MSI2: variants seen among roughly 807,000 people sequenced by gnomAD.
The protein encoded by MSI2 is RNA-binding protein Musashi homolog 2.
A neutral mutation model predicts 45.6 loss-of-function variants in MSI2; 17 were observed. The ratio of observed to expected loss-of-function variants is 0.37; its 90% CI spans 0.26 to 0.56. MSI2 has a LOEUF of 0.56. Among genes scored for constraint, MSI2 ranks in the 20% least tolerant of loss-of-function variants. The pLI is 0.77. For missense variants in MSI2, 293 were observed against 444.2 expected (o/e 0.66, Z 3.06); for synonymous variants, 156 against 158.2 (o/e 0.99, Z 0.11).
At chr17:57,399,840 G>A (rs1427580281) in intron 5 of MSI2, among the ~76,000 whole-genome samples, 5 of 152,228 alleles carry the variant, frequency 3.3e-5, no homozygotes, top group African/African-American at 1.2e-4. Context: ...CCCAGAGTTA[G>A]ACCCAGGAGC....
Position 57,601,232 on chromosome 17 carries a change from A to C in MSI2, c.537+4282A>C, listed in dbSNP as rs1598437879. On this transcript the variant is annotated intron_variant, in intron 8 of 13. Transcript: ENST00000284073. ...TGGGTTTAACAGGTCCCAGATCTCC[A>C]TGCCTCTTCCTCCACTGCCACAGAC... 2.0e-5 allele frequency: 3 copies of C among 152,198 alleles called. No individual in the cohort carries two copies. In the East Asian group the frequency reaches 5.8e-4, roughly 29 times the overall value. The allele number at this position is 152,198 out of a possible 1,614,324, so 9.4% of individuals were successfully genotyped here.
chr17:57,344,507 C>T (rs1353641845), intron 5 of MSI2, among the ~76,000 whole-genome samples: 2 of 152,188 alleles, frequency 1.3e-5, no homozygotes, highest in Admixed American at 1.3e-4. Context: ...ACTCACTTCT[C>T]CAAGGAGCTG....
At chr17:57,656,247 A>G (rs1911580703) in intron 11 of MSI2, among the ~76,000 whole-genome samples, 1 of 152,142 alleles carries the variant, frequency 6.6e-6, no homozygotes, top group African/African-American at 2.4e-5. Context: ...GAACTGGGTC[A>G]CCACCCTCAG....
At chr17:57,403,647 G>C (rs527836062) in intron 6 of MSI2, among the ~76,000 whole-genome samples, 3 of 152,084 alleles carry the variant, frequency 2.0e-5, no homozygotes, top group Non-Finnish European at 4.4e-5. Context: ...TCATACATAG[G>C]TTCTGTGCAT....
rs558930199 is a variant in MSI2, at chr17:57,395,865, C to A, written c.313-5514C>A. The stretch of plus-strand genomic sequence containing the variant: ...TGTCTGAGCCTGGGAAAGCTGTCCT[C>A]CTAACTACCTGCCTTGCCTTTAACT... On this transcript the variant is annotated intron_variant, in intron 5 of 13. Transcript: ENST00000284073. 6.6e-5 allele frequency among the ~76,000 whole-genome samples: 10 copies of A among 152,326 alleles called. No homozygotes were observed. In the South Asian group the frequency reaches 2.1e-3, roughly 32 times the overall value.
chr17:57,636,441 C>T (rs956345762), intron 10 of MSI2, among the ~76,000 whole-genome samples: 1 of 152,188 alleles, frequency 6.6e-6, no homozygotes, highest in African/African-American at 2.4e-5. Flanking sequence ...AGAGCCCTTC[C>T]ATCCACCCCC....
intron 5 of MSI2, among the ~76,000 whole-genome samples, chr17:57,314,480 G>GT (rs1912672266): frequency 6.6e-6 from 1 of 151,840 alleles, no homozygotes; most frequent in Non-Finnish European, 1.5e-5. Context: ...ATTGTGGGGT[G>GT]TAAGAGTGGG....
chr17:57,670,736 C>T (rs1052634887), intron 11 of MSI2, among the ~76,000 whole-genome samples: 1 of 152,182 alleles, frequency 6.6e-6, no homozygotes, highest in African/African-American at 2.4e-5. Context: ...ATTCATATGG[C>T]AAGTGAATTG....
intron 6 of MSI2, among the ~76,000 whole-genome samples, chr17:57,474,704 T>G (rs924532825): frequency 6.7e-6 from 1 of 149,086 alleles, no homozygotes; most frequent in Non-Finnish European, 1.5e-5. Context: ...TTTTTGTTGT[T>G]TTTTTGTTTT....
At chr17:57,481,841 T>C (rs1567849827) in intron 6 of MSI2, among the ~76,000 whole-genome samples, 1 of 152,216 alleles carries the variant, frequency 6.6e-6, no homozygotes, top group Non-Finnish European at 1.5e-5. Context: ...TCAAATGTTA[T>C]TCAGCTTGAT....
chr17:57,679,622 C>T lies in MSI2; in HGVS notation c.*105C>T. 1.9e-6 allele frequency: 2 copies of T among 1,063,846 alleles called. No individual in the cohort carries two copies. Among genetic ancestry groups the T allele is most frequent in the Non-Finnish European group, 2.3e-6 (2 of 878,084 alleles). The allele number at this position is 1,063,846 out of a possible 1,614,324, so 65.9% of individuals were successfully genotyped here. A position where few individuals can be genotyped will look rare whatever the true frequency, so the allele number is the denominator to read the frequency against. ...CTTTGTTTAGGTGATGTCCTCAGAC[C>T]TGGACCCCCACCAGCCTCACTCCCC... On this transcript the variant is annotated 3_prime_UTR_variant, in exon 14 of 14. Transcript: ENST00000284073.
intron 7 of MSI2, among the ~76,000 whole-genome samples, chr17:57,557,787 G>T (rs2087472907): frequency 6.6e-6 from 1 of 152,236 alleles, no homozygotes; most frequent in African/African-American, 2.4e-5. Context: ...ATGAGAAGCA[G>T]CCCCAGTTTG....
At chr17:57,454,809 C>T (rs2085082247) in intron 6 of MSI2, among the ~76,000 whole-genome samples, 1 of 152,144 alleles carries the variant, frequency 6.6e-6, no homozygotes. Context: ...GGCAAGTAGT[C>T]CATGTGGCGC....
chr17:57,497,246 G>A (rs927115987), intron 6 of MSI2, among the ~76,000 whole-genome samples: 1 of 152,226 alleles, frequency 6.6e-6, no homozygotes, highest in Non-Finnish European at 1.5e-5. Flanking sequence ...CAAAGTGCTG[G>A]GATTACAGGC....
At chr17:57,262,354 G>A (rs889113142) in intron 5 of MSI2, 162 bp downstream of exon 5, 22 of 647,744 alleles carry the variant, frequency 3.4e-5, no homozygotes, top group Non-Finnish European at 5.1e-5. Context: ...ATAACCATGC[G>A]TCTCTAAGTT....
chr17:57,597,466 T>TAAAAAAAAAAAAAAAAAAA (rs35606406), intron 8 of MSI2, among the ~76,000 whole-genome samples: 3 of 87,110 alleles, frequency 3.4e-5, no homozygotes, highest in Admixed American at 1.5e-4. Flanking sequence ...CCTCATCTCT[T>TAAAAAAAAAAAAAAAAAAA]AAAAAAAAAA....
At chr17:57,395,695 G>A (rs1382211723) in intron 5 of MSI2, among the ~76,000 whole-genome samples, 2 of 152,230 alleles carry the variant, frequency 1.3e-5, no homozygotes, top group African/African-American at 2.4e-5. Context: ...GGCATACAAA[G>A]ATTGGACTTA....
At chr17:57,483,332 A>G (rs2085685836) in intron 6 of MSI2, among the ~76,000 whole-genome samples, 1 of 152,216 alleles carries the variant, frequency 6.6e-6, no homozygotes, top group African/African-American at 2.4e-5. Context: ...GGAAGTGTTC[A>G]TGGGGATGTA....
At chr17:57,371,885 T>A (rs1452447713) in intron 5 of MSI2, among the ~76,000 whole-genome samples, 1 of 151,242 alleles carries the variant, frequency 6.6e-6, no homozygotes, top group African/African-American at 2.4e-5. Flanking sequence ...ATATGAAAAA[T>A]ATATAAAGGA....
Sources: allele counts gnomAD v4.1 joint callset (sites outside exome capture counted in the v4.1 genomes callset), GRCh38; gene constraint gnomAD v4.1.1; transcripts MANE v1.5; gene names NCBI Gene and HGNC (gene_info 2026-07-23, HGNC 2026-07-21).